The following SASH1 variants were observed in gnomAD, a reference collection of about 807,000 sequenced individuals.
SASH1 encodes SAM and SH3 domain-containing protein 1.
SASH1 carries 44 observed loss-of-function variants against 125.2 expected under a neutral mutation model. That is an observed-to-expected ratio of 0.35 (90% CI 0.28 to 0.45). The LOEUF is 0.45. Ranked by LOEUF, SASH1 falls within the 20% of genes least tolerant of loss-of-function variation. SASH1 has a pLI of 1.00. For missense variants in SASH1, 1,426 were observed against 1,614.5 expected, an observed-to-expected ratio of 0.88 and a Z score of 2.00; for synonymous variants, 639 against 649.1, an observed-to-expected ratio of 0.98 and a Z score of 0.24.
intron 15 of SASH1, among the ~76,000 whole-genome samples, chr6:148,534,488 G>A (rs1460080961): frequency 6.6e-6 from 1 of 152,202 alleles, no homozygotes; most frequent in East Asian, 1.9e-4. Flanking sequence ...CTTATCAAGA[G>A]TACAATTATA....
At chr6:148,547,543 T>G (rs1238029805) in intron 19 of SASH1, among the ~76,000 whole-genome samples, 1 of 152,242 alleles carries the variant, frequency 6.6e-6, no homozygotes. Flanking sequence ...GTAGTGAGTC[T>G]CATAGTTAAA....
the SASH1 span, among the ~76,000 whole-genome samples, chr6:148,250,745 A>C: frequency 5.9e-5 from 9 of 152,354 alleles, no homozygotes; most frequent in Non-Finnish European, 1.2e-4. Flanking sequence ...ATTTAGAATT[A>C]GAAACCATCA....
chr6:148,274,172 T>G (rs370309827), intron 1 of SASH1, among the ~76,000 whole-genome samples: 1 of 152,082 alleles, frequency 6.6e-6, no homozygotes, highest in South Asian at 2.1e-4. Context: ...CCCTAGAGGG[T>G]GCTCAGGAGT....
intron 1 of SASH1, among the ~76,000 whole-genome samples, chr6:148,386,427 G>T (rs1396679971): frequency 6.6e-6 from 1 of 152,184 alleles, no homozygotes; most frequent in South Asian, 2.1e-4. Flanking sequence ...GTGAAAGCTG[G>T]TTGTTTTAGA....
intron 1 of SASH1, among the ~76,000 whole-genome samples, chr6:148,309,667 T>TA (rs34084896): frequency 0.27 from 38,034 of 138,812 alleles, 5,138 homozygotes; most frequent in South Asian, 0.35. Context: ...CATGTTGCTT[T>TA]AAAAAAAAAA....
At chr6:148,342,632 C>G (rs1196547107), upstream of SASH1, 4 of 152,212 alleles carry the variant, frequency 2.6e-5, no homozygotes, top group African/African-American at 9.6e-5. Flanking sequence ...CCTCCAAGAT[C>G]TAGAGGCTCC....
chr6:148,365,483 G>A (rs980395554), intron 1 of SASH1, among the ~76,000 whole-genome samples: 1 of 151,068 alleles, frequency 6.6e-6, no homozygotes, highest in Non-Finnish European at 1.5e-5. Flanking sequence ...TGGTTCTCCT[G>A]GTAGAGGTGA....
chr6:148,361,961 T>G (rs560675443), intron 1 of SASH1, among the ~76,000 whole-genome samples: 608 of 145,914 alleles, frequency 4.2e-3, no homozygotes, highest in South Asian at 8.1e-3. Context: ...TCGCCCAGGC[T>G]GGAGTGCAGT....
At chr6:148,501,043 T>C (rs1180814808) in intron 8 of SASH1, among the ~76,000 whole-genome samples, 3 of 152,128 alleles carry the variant, frequency 2.0e-5, no homozygotes, top group African/African-American at 7.2e-5. Context: ...GTTAAGGTTG[T>C]AGATCGTCAG....
chr6:148,440,312 A>C (rs1432288325), intron 3 of SASH1, 46 bp from the exon 4 acceptor site: 1 of 1,609,476 alleles, frequency 6.2e-7, no homozygotes, highest in Non-Finnish European at 8.5e-7. Flanking sequence ...AATCAGATGA[A>C]GCCTGCTGCT....
chr6:148,197,968 G>T, the SASH1 span, among the ~76,000 whole-genome samples: 1 of 152,160 alleles, frequency 6.6e-6, no homozygotes, highest in Non-Finnish European at 1.5e-5. Flanking sequence ...TCCTGCCTCA[G>T]CATCCAGAGT....
intron 16 of SASH1, among the ~76,000 whole-genome samples, chr6:148,538,251 C>T (rs1569655): frequency 0.33 from 50,698 of 152,052 alleles, 9,162 homozygotes; most frequent in Admixed American, 0.45. Context: ...TTCCATGCTG[C>T]AGTAGGAGCA....
At chr6:148,324,814 G>T (rs1780752871) in intron 1 of SASH1, among the ~76,000 whole-genome samples, 1 of 152,144 alleles carries the variant, frequency 6.6e-6, no homozygotes, top group African/African-American at 2.4e-5. Flanking sequence ...CTAAAACTGT[G>T]GTAGTTCTGG....
chr6:148,535,510 G>A (rs933649087), intron 16 of SASH1, among the ~76,000 whole-genome samples: 1 of 152,172 alleles, frequency 6.6e-6, no homozygotes, highest in Admixed American at 6.5e-5. Flanking sequence ...ATCAGCTTTC[G>A]TTAAAGGAGG....
intron 1 of SASH1, among the ~76,000 whole-genome samples, chr6:148,287,516 C>A (rs1041843241): frequency 1.3e-5 from 2 of 152,180 alleles, no homozygotes; most frequent in Admixed American, 1.3e-4. Flanking sequence ...TGGCAACTTG[C>A]TGCTCTGGAG....
At chr6:148,223,913 C>T in the SASH1 span, among the ~76,000 whole-genome samples, 1 of 152,176 alleles carries the variant, frequency 6.6e-6, no homozygotes, top group Non-Finnish European at 1.5e-5. Flanking sequence ...TTGAGAACAT[C>T]CATATCTCTA....
chr6:148,548,701 G>A lies in SASH1; in HGVS notation c.*143G>A, dbSNP rs1387602546. The stretch of plus-strand genomic sequence containing the variant: ...GTGTGGCCAAACAGCGTGAAACCTT[G>A]GCACAGGACTGAGGATCCTCTCCTC... On this transcript the variant is annotated 3_prime_UTR_variant, in exon 20 of 20. Transcript: ENST00000367467. The A allele has an allele frequency of 1.3e-5, 12 of 941,468 alleles. No individual in the cohort carries two copies. The highest frequency in any genetic ancestry group is 1.2e-4 in the Admixed American group (4 of 34,438). The allele number at this position is 941,468 out of a possible 1,614,324, so 58.3% of individuals were successfully genotyped here.
At chr6:148,490,499 C>T (rs1032946803) in intron 8 of SASH1, among the ~76,000 whole-genome samples, 2 of 152,194 alleles carry the variant, frequency 1.3e-5, no homozygotes, top group African/African-American at 2.4e-5. Flanking sequence ...TGAGCCACTG[C>T]GCCTGGCCTC....
At chr6:148,522,535 A>G (rs1780883753) in intron 10 of SASH1, among the ~76,000 whole-genome samples, 1 of 152,204 alleles carries the variant, frequency 6.6e-6, no homozygotes. Context: ...CTTTGTATCC[A>G]CTGGAAGTGG....
Sources: gnomAD v4.1 joint callset for allele counts (sites outside exome capture counted in the v4.1 genomes callset) on GRCh38, gnomAD v4.1.1 for gene constraint, MANE v1.5 for transcripts, NCBI Gene and HGNC (gene_info 2026-07-23, HGNC 2026-07-21) for gene names.